Variants in SEPTIN9 observed in about 807,000 individuals in gnomAD.
SEPTIN9 encodes septin 9.
A neutral mutation model predicts 56.6 loss-of-function variants in SEPTIN9; 13 were observed. The observed-to-expected ratio is 0.23, with a 90% CI of 0.15 to 0.37. The LOEUF is 0.37. Among genes scored for constraint, SEPTIN9 ranks in the 10% least tolerant of loss-of-function variants. The pLI is 1.00. For synonymous variants in SEPTIN9, 332 were observed against 334.1 expected, an observed-to-expected ratio of 0.99 and a Z score of 0.07; for missense variants, 650 against 823.1, an observed-to-expected ratio of 0.79 and a Z score of 2.57.
At chr17:77,423,823 T>C (rs1183123565) in intron 3 of SEPTIN9, among the ~76,000 whole-genome samples, 1 of 151,176 alleles carries the variant, frequency 6.6e-6, no homozygotes, top group African/African-American at 2.4e-5. Flanking sequence ...GGTTGCAGAG[T>C]AGGGGAAGGT....
chr17:77,399,237 G>T, intron 2 of SEPTIN9, among the ~76,000 whole-genome samples: 1 of 152,208 alleles, frequency 6.6e-6, no homozygotes, highest in Non-Finnish European at 1.5e-5. Flanking sequence ...TGGCCATGGT[G>T]GGGGTGACTC....
chr17:77,489,638 C>T (rs1165624705), intron 7 of SEPTIN9, among the ~76,000 whole-genome samples: 1 of 152,136 alleles, frequency 6.6e-6, no homozygotes, highest in Non-Finnish European at 1.5e-5. Context: ...CTTCCCTGGG[C>T]GGAGGAAGCC....
chr17:77,385,239 T>C (rs1384862283), intron 2 of SEPTIN9, among the ~76,000 whole-genome samples: 1 of 149,770 alleles, frequency 6.7e-6, no homozygotes, highest in Non-Finnish European at 1.5e-5. Flanking sequence ...CTTGGTTCAC[T>C]GCAACCTCTG....
At chr17:77,424,184 G>T (rs908779285) in intron 3 of SEPTIN9, among the ~76,000 whole-genome samples, 2 of 136,656 alleles carry the variant, frequency 1.5e-5, no homozygotes, top group Non-Finnish European at 3.1e-5. Flanking sequence ...CACTATCGCC[G>T]TAGAAAACGG....
Position 77,499,329 on chromosome 17 carries a change from G to C in SEPTIN9, c.*671G>C, listed in dbSNP as rs2143499939. The C allele has an allele frequency of 3.4e-6, 2 of 595,774 alleles. No homozygotes were observed. The highest frequency in any genetic ancestry group is 6.8e-5 in the East Asian group (2 of 29,524). The allele number at this position is 595,774 out of a possible 1,614,324, so 36.9% of individuals were successfully genotyped here. On this transcript the variant is annotated 3_prime_UTR_variant, in exon 12 of 12. Coordinates refer to ENST00000427177, the MANE Select transcript of SEPTIN9 (RefSeq NM_001113491.2). ...CGCAGACTGCTTGGCCAGATGCGGGGACAGGCTGGAATGAGGGAGGCGTCT... is the reference window on the plus strand; with the variant it reads ...CGCAGACTGCTTGGCCAGATGCGGGCACAGGCTGGAATGAGGGAGGCGTCT...
At chr17:77,497,735 A>C (rs2040332732) in intron 11 of SEPTIN9, 3 of 347,216 alleles carry the variant, frequency 8.6e-6, no homozygotes, top group Non-Finnish European at 1.7e-5. Flanking sequence ...CTGGCCTCTG[A>C]CCCCTACCCC....
At chr17:77,380,657 C>T (rs1242329393) in intron 2 of SEPTIN9, among the ~76,000 whole-genome samples, 1 of 152,168 alleles carries the variant, frequency 6.6e-6, no homozygotes, top group African/African-American at 2.4e-5. Context: ...GAGAGTCTCC[C>T]TCGCCTTCCC....
intron 1 of SEPTIN9, among the ~76,000 whole-genome samples, chr17:77,292,492 T>G (rs1343901252): frequency 6.6e-6 from 1 of 151,850 alleles, no homozygotes; most frequent in African/African-American, 2.4e-5. Flanking sequence ...GTTTTTTGTT[T>G]TTTTTTTTTT....
intron 3 of SEPTIN9, among the ~76,000 whole-genome samples, chr17:77,408,916 T>G (rs1598327685): frequency 6.6e-6 from 1 of 152,190 alleles, no homozygotes; most frequent in South Asian, 2.1e-4. Flanking sequence ...CAGTACCAGG[T>G]GTAAGGCAGG....
chr17:77,452,160 G>C (rs986026483), intron 3 of SEPTIN9, among the ~76,000 whole-genome samples: 4 of 152,218 alleles, frequency 2.6e-5, no homozygotes, highest in African/African-American at 9.6e-5. Context: ...GGGCTGGTCT[G>C]CGTGTGCTTT....
At chr17:77,301,382 ATG>A (rs1224191049) in intron 1 of SEPTIN9, among the ~76,000 whole-genome samples, 2 of 140,048 alleles carry the variant, frequency 1.4e-5, no homozygotes, top group Non-Finnish European at 3.1e-5. Context: ...AAGAAAAAAA[ATG>A]GGAATAGATT....
intron 3 of SEPTIN9, among the ~76,000 whole-genome samples, chr17:77,478,736 A>G (rs1465078577): frequency 6.6e-6 from 1 of 151,602 alleles, no homozygotes; most frequent in Non-Finnish European, 1.5e-5. Flanking sequence ...CTGGGGAGGC[A>G]GAGGTTTCGG....
At chr17:77,461,342 A>G (rs1172723150) in intron 3 of SEPTIN9, among the ~76,000 whole-genome samples, 1 of 152,030 alleles carries the variant, frequency 6.6e-6, no homozygotes, top group Non-Finnish European at 1.5e-5. Flanking sequence ...ATAAAAATCC[A>G]TGGGGGGACC....
chr17:77,299,895 G>T (rs966412825), intron 1 of SEPTIN9, among the ~76,000 whole-genome samples: 1 of 152,214 alleles, frequency 6.6e-6, no homozygotes, highest in African/African-American at 2.4e-5. Context: ...CGGCCTCCAT[G>T]GGCCTTCTTT....
At chr17:77,355,856 C>A (rs112158876) in intron 2 of SEPTIN9, among the ~76,000 whole-genome samples, 40,175 of 150,110 alleles carry the variant, frequency 0.27, 5,475 homozygotes, top group Middle Eastern at 0.31. Context: ...GTGGCGGGTG[C>A]CTGTAGTCCC....
Position 77,499,261 on chromosome 17 carries a change from A to G in SEPTIN9, c.*603A>G, listed in dbSNP as rs769595213. On this transcript the variant is annotated 3_prime_UTR_variant, in exon 12 of 12. Coordinates refer to ENST00000427177, the MANE Select transcript of SEPTIN9 (RefSeq NM_001113491.2). Reference sequence around the variant, plus strand: ...GCCCAGCCACTCCAAGCCCCCTGGCAGCTGCCCCTCCTGGAGCAGAAAGTG... The same window carrying G: ...GCCCAGCCACTCCAAGCCCCCTGGCGGCTGCCCCTCCTGGAGCAGAAAGTG... 1 of 597,050 alleles carries G rather than the reference A, an allele frequency of 1.7e-6. No individual in the cohort carries two copies. Among genetic ancestry groups the G allele is most frequent in the African/African-American group, 1.8e-5 (1 of 55,732 alleles). 37.0% of individuals were successfully genotyped at this position (597,050 alleles called of 1,614,324 possible).
At chr17:77,420,649 C>CTGAG (rs2036666309) in intron 3 of SEPTIN9, among the ~76,000 whole-genome samples, 1 of 152,172 alleles carries the variant, frequency 6.6e-6, no homozygotes, top group African/African-American at 2.4e-5. Context: ...CCTCCTGCTG[C>CTGAG]CCCTGCTCCT....
intron 10 of SEPTIN9, 83 bp downstream of exon 10, chr17:77,493,159 G>A: frequency 8.9e-7 from 1 of 1,128,732 alleles, no homozygotes. Context: ...CCACGCCTGA[G>A]CCAGGGACTC....
In SEPTIN9 at chr17:77,490,874, C is replaced by T. The variant is rs1397376536; in HGVS notation, c.1380+15C>T. 2 of 1,547,210 alleles carry T rather than the reference C, an allele frequency of 1.3e-6. No homozygotes were observed. The highest frequency in any genetic ancestry group is 1.8e-6 in the Non-Finnish European group (2 of 1,140,300). On this transcript the variant is annotated intron_variant, in intron 8 of 11. Coordinates refer to ENST00000427177, the MANE Select transcript of SEPTIN9 (RefSeq NM_001113491.2). The stretch of plus-strand genomic sequence containing the variant: ...TCAAACAGCGGGTAGGGTTCCATCT[C>T]TACTTGCCCCAGCCCTTCTGTGCAA...
Sources: allele counts gnomAD v4.1 joint callset (sites outside exome capture counted in the v4.1 genomes callset), GRCh38; gene constraint gnomAD v4.1.1; transcripts MANE v1.5; gene names NCBI Gene and HGNC (gene_info 2026-07-23, HGNC 2026-07-21).